TP63: variants seen among roughly 807,000 people sequenced by gnomAD.
TP63 encodes tumor protein 63.
Under a neutral mutation model 82.8 loss-of-function variants are expected in TP63, and 17 were observed. The observed-to-expected ratio is 0.21, with a 90% CI of 0.14 to 0.31. The LOEUF (loss-of-function observed/expected upper bound fraction) is 0.31. Ranked by LOEUF, TP63 falls within the 10% of genes least tolerant of loss-of-function variation. The pLI is 1.00. For missense variants in TP63, 648 were observed against 895.3 expected, an observed-to-expected ratio of 0.72 and a Z score of 3.52; for synonymous variants, 330 against 321.7, an observed-to-expected ratio of 1.03 and a Z score of -0.28.
At chr3:189,732,330 A>G (rs1392544809) in intron 1 of TP63, among the ~76,000 whole-genome samples, 5 of 152,214 alleles carry the variant, frequency 3.3e-5, no homozygotes, top group Non-Finnish European at 7.3e-5. Context: ...GCCTCATTTA[A>G]TGTAGCCAGT....
At chr3:189,788,868 A>G (rs1226212656) in intron 3 of TP63, among the ~76,000 whole-genome samples, 1 of 152,026 alleles carries the variant, frequency 6.6e-6, no homozygotes, top group Non-Finnish European at 1.5e-5. Flanking sequence ...ATTCACAAGC[A>G]AAAATATTAG....
chr3:189,864,081 T>C (rs1159010370), intron 4 of TP63, 151 bp from the exon 5 acceptor site: 1 of 969,326 alleles, frequency 1.0e-6, no homozygotes, highest in East Asian at 2.4e-5. Context: ...TCTAATAACA[T>C]TGACATACGT....
chr3:189,693,755 T>C (rs529773008), intron 1 of TP63, among the ~76,000 whole-genome samples: 1 of 152,256 alleles, frequency 6.6e-6, no homozygotes, highest in African/African-American at 2.4e-5. Flanking sequence ...AAATGATAGC[T>C]CTCTGATCAT....
chr3:189,815,980 T>C (rs535649717), intron 4 of TP63, among the ~76,000 whole-genome samples: 27 of 152,302 alleles, frequency 1.8e-4, no homozygotes, highest in South Asian at 1.4e-3. Context: ...AAAAATCTAA[T>C]GGCATGCAGG....
chr3:189,636,523 A>C (rs1729792735), intron 1 of TP63, among the ~76,000 whole-genome samples: 1 of 152,122 alleles, frequency 6.6e-6, no homozygotes, highest in Admixed American at 6.6e-5. Flanking sequence ...TTGTGATTTT[A>C]AGCAAAACCG....
intron 10 of TP63, chr3:189,873,556 G>T: frequency 6.0e-6 from 1 of 165,984 alleles, no homozygotes. Flanking sequence ...GCATCATGTT[G>T]CCGTATTTTA....
chr3:189,603,782 A>G, the TP63 span, among the ~76,000 whole-genome samples: 1 of 151,902 alleles, frequency 6.6e-6, no homozygotes, highest in South Asian at 2.1e-4. Context: ...TTACTGTAAG[A>G]AAAGTATATA....
intron 1 of TP63, among the ~76,000 whole-genome samples, chr3:189,634,488 T>G (rs1338696578): frequency 6.6e-6 from 1 of 152,080 alleles, no homozygotes; most frequent in Non-Finnish European, 1.5e-5. Flanking sequence ...TTTTTTTTCC[T>G]TTCCACTTAA....
chr3:189,661,211 C>T (rs1202724880), intron 1 of TP63, among the ~76,000 whole-genome samples: 2 of 151,818 alleles, frequency 1.3e-5, no homozygotes, highest in African/African-American at 4.8e-5. Flanking sequence ...TGTAGGTTTG[C>T]CGTAGATCAC....
chr3:189,693,324 G>A (rs372521960), intron 1 of TP63, among the ~76,000 whole-genome samples: 3 of 152,104 alleles, frequency 2.0e-5, no homozygotes, highest in South Asian at 2.1e-4. Context: ...CCCTACGTTC[G>A]TATTCTGCAG....
Position 189,682,569 on chromosome 3 carries a change from T to A in TP63, c.62+50992T>A, listed in dbSNP as rs1254125676. Among the ~76,000 whole-genome samples, 45 of 16,188 alleles carry A rather than the reference T, an allele frequency of 2.8e-3. 1 individual carries two copies. The highest frequency in any genetic ancestry group is 7.4e-3 in the African/African-American group (41 of 5,562). 10.6% of individuals were successfully genotyped at this position (16,188 alleles called of 152,430 possible). A position where few individuals can be genotyped will look rare whatever the true frequency, so the allele number is the denominator to read the frequency against. On this transcript the variant is annotated intron_variant, in intron 1 of 13. Transcript: ENST00000264731. ...AAAAAAAAAAATATATATATATATA[T>A]ATATATATATATATATATATATATA... is the stretch of plus-strand genomic sequence containing the variant.
chr3:189,725,450 T>C (rs1390908617), intron 1 of TP63, among the ~76,000 whole-genome samples: 1 of 152,178 alleles, frequency 6.6e-6, no homozygotes, highest in African/African-American at 2.4e-5. Flanking sequence ...AATTTTAAAG[T>C]TTAAAACTTC....
chr3:189,850,220 T>C (rs111436910), intron 4 of TP63, among the ~76,000 whole-genome samples: 1,779 of 152,154 alleles, frequency 0.012, 21 homozygotes, highest in African/African-American at 0.04. Context: ...AGGTGGGTGT[T>C]GCAGGGAGCC....
At chr3:189,821,163 G>T (rs965645710) in intron 4 of TP63, among the ~76,000 whole-genome samples, 2 of 152,226 alleles carry the variant, frequency 1.3e-5, no homozygotes, top group Admixed American at 1.3e-4. Context: ...TGTACTAGCA[G>T]TGGTTTTATT....
At chr3:189,788,834 G>T (rs558034751) in intron 3 of TP63, among the ~76,000 whole-genome samples, 1 of 151,288 alleles carries the variant, frequency 6.6e-6, no homozygotes. Flanking sequence ...GATGCATCAC[G>T]TGCAGTAATC....
intron 4 of TP63, among the ~76,000 whole-genome samples, chr3:189,811,027 T>C (rs2108645607): frequency 6.6e-6 from 1 of 152,238 alleles, no homozygotes; most frequent in South Asian, 2.1e-4. Flanking sequence ...TGGTAAAATT[T>C]CCTTACATGT....
At chr3:189,705,474 C>A (rs1577273617) in intron 1 of TP63, among the ~76,000 whole-genome samples, 2 of 148,582 alleles carry the variant, frequency 1.3e-5, no homozygotes, top group African/African-American at 2.5e-5. Context: ...CATTCTTATT[C>A]AATTCTTTTC....
At chr3:189,630,918 G>A (rs556718914), upstream of TP63, among the ~76,000 whole-genome samples, 172 of 152,138 alleles carry the variant, frequency 1.1e-3, 2 homozygotes, top group Non-Finnish European at 8.1e-4. Context: ...AGGGCGGGGA[G>A]GGAGGGAAAT....
At chr3:189,781,637 G>C (rs921779362) in intron 3 of TP63, among the ~76,000 whole-genome samples, 1 of 151,690 alleles carries the variant, frequency 6.6e-6, no homozygotes, top group Non-Finnish European at 1.5e-5. Context: ...GAAGATTTAC[G>C]TAAGAAAGCT....
Sources: allele counts gnomAD v4.1 joint callset (sites outside exome capture counted in the v4.1 genomes callset), GRCh38; gene constraint gnomAD v4.1.1; transcripts MANE v1.5; gene names NCBI Gene and HGNC (gene_info 2026-07-23, HGNC 2026-07-21).